Variants in EYS observed in about 807,000 individuals in gnomAD.
EYS encodes EGF-like photoreceptor maintenance factor.
Under a neutral mutation model 282.1 loss-of-function variants are expected in EYS, and 250 were observed. The observed-to-expected ratio is 0.89, with a 90% CI of 0.80 to 0.98. EYS has a LOEUF of 0.98. EYS is among the 50% of genes least tolerant of loss of function. The probability of loss-of-function intolerance (pLI) is 0.00; values close to 1 mark genes in which losing one functional copy is unlikely to be tolerated. For missense variants in EYS, 4,016 were observed against 3,709.0 expected, an observed-to-expected ratio of 1.08 and a Z score of -2.15; for synonymous variants, 1,355 against 1,282.9, an observed-to-expected ratio of 1.06 and a Z score of -1.20.
At chr6:65,021,820 GC>G (rs1218809916) in intron 13 of EYS, among the ~76,000 whole-genome samples, 1 of 152,204 alleles carries the variant, frequency 6.6e-6, no homozygotes, top group Non-Finnish European at 1.5e-5. Context: ...TACAGTCATG[GC>G]AAAAGGAGAA....
At chr6:64,460,646 T>C (rs1458771955) in intron 26 of EYS, among the ~76,000 whole-genome samples, 1 of 152,220 alleles carries the variant, frequency 6.6e-6, no homozygotes, top group Non-Finnish European at 1.5e-5. Flanking sequence ...TATTTCACAA[T>C]CTATCACTTT....
intron 2 of EYS, among the ~76,000 whole-genome samples, chr6:65,501,154 T>A: frequency 6.8e-6 from 1 of 147,416 alleles, no homozygotes; most frequent in African/African-American, 2.7e-5. Flanking sequence ...TGAAATCGGT[T>A]TTCTGTAAGT....
chr6:64,862,710 T>G (rs1445842005), intron 19 of EYS, among the ~76,000 whole-genome samples: 2 of 152,174 alleles, frequency 1.3e-5, no homozygotes, highest in Non-Finnish European at 2.9e-5. Context: ...CTATTTTTAC[T>G]GAATGCCAGG....
At position 64,551,080 on chromosome 6, in the gene EYS, T is replaced by G. The variant is rs552969253; in HGVS notation, c.5644+39143A>C. Among the ~76,000 whole-genome samples, 5 of 151,526 alleles carry G rather than the reference T, an allele frequency of 3.3e-5. No individual in the cohort carries two copies. The South Asian group carries it at 1.0e-3, about 32-fold the overall frequency. ...AGGCAATTACAAATATATTTTGAAT[T>G]TGGAAAATAACATATAATTTAAATG... On this transcript the variant is annotated intron_variant, in intron 26 of 42. Transcript: ENST00000503581.
chr6:64,617,450 C>A lies in EYS; in HGVS notation c.3652G>T (p.Gly1218Cys). 1 of 1,550,632 alleles carries A rather than the reference C, an allele frequency of 6.4e-7. No individual in the cohort carries two copies. Among genetic ancestry groups the A allele is most frequent in the Non-Finnish European group, 8.7e-7 (1 of 1,146,200 alleles). The change falls in exon 24 of 43, where the codon GGC (glycine) becomes TGC (cysteine). Residue 1218 changes from glycine to cysteine, a missense_variant. Gly to Cys is a radical substitution (Grantham distance 159). Transcript: ENST00000503581. ...CCAGGTGTGCATAAACATGTCGAGC[C>A]AGGTTCATTCTCCATGCAGAGTTCA... The part of the protein sequence containing the change: ...VHELCMENEP[G>C]STCLCTPGFM...
chr6:65,145,281 A>G (rs1242662804), intron 12 of EYS, among the ~76,000 whole-genome samples: 1 of 148,008 alleles, frequency 6.8e-6, no homozygotes, highest in Non-Finnish European at 1.5e-5. Flanking sequence ...TTCAACATAT[A>G]TTGTTACTAT....
chr6:65,319,311 C>A (rs1379235833), intron 11 of EYS, among the ~76,000 whole-genome samples: 3 of 149,984 alleles, frequency 2.0e-5, no homozygotes, highest in Non-Finnish European at 4.4e-5. Context: ...ACCCAGGAAG[C>A]GGAGGTTGTG....
intron 5 of EYS, among the ~76,000 whole-genome samples, chr6:65,427,989 T>C (rs1249054988): frequency 6.6e-6 from 1 of 152,064 alleles, no homozygotes; most frequent in East Asian, 1.9e-4. Context: ...TTATTAGTAA[T>C]AAAATGTAAA....
chr6:64,806,256 G>C (rs1764420347), intron 22 of EYS, among the ~76,000 whole-genome samples: 1 of 151,588 alleles, frequency 6.6e-6, no homozygotes, highest in South Asian at 2.1e-4. Context: ...TTAACTTAAA[G>C]CTAAGTTGAT....
chr6:65,524,354 C>T (rs724104), intron 2 of EYS, among the ~76,000 whole-genome samples: 11,678 of 152,084 alleles, frequency 0.077, 1,334 homozygotes, highest in African/African-American at 0.25. Context: ...TTGGAACTAA[C>T]GGATTTAGGC....
At chr6:64,548,828 T>TA (rs5876907) in intron 26 of EYS, among the ~76,000 whole-genome samples, 2,397 of 147,264 alleles carry the variant, frequency 0.016, 49 homozygotes, top group African/African-American at 0.045. Context: ...TAAAGTATAA[T>TA]AAAAAAAAAA....
intron 19 of EYS, among the ~76,000 whole-genome samples, chr6:64,848,389 A>C (rs1475553277): frequency 1.3e-5 from 2 of 152,132 alleles, no homozygotes; most frequent in East Asian, 3.8e-4. Context: ...ATAGGTAAAC[A>C]GCAATCATGC....
At chr6:65,320,827 C>T (rs2150305242) in intron 11 of EYS, among the ~76,000 whole-genome samples, 1 of 152,246 alleles carries the variant, frequency 6.6e-6, no homozygotes, top group African/African-American at 2.4e-5. Flanking sequence ...GCTAAGGCCA[C>T]CACCCCCATC....
At chr6:65,518,138 G>T (rs1034287886) in intron 2 of EYS, among the ~76,000 whole-genome samples, 1 of 151,946 alleles carries the variant, frequency 6.6e-6, no homozygotes, top group Non-Finnish European at 1.5e-5. Flanking sequence ...TATTCCCAAC[G>T]TCTTACAGCT....
intron 12 of EYS, among the ~76,000 whole-genome samples, chr6:65,074,566 C>T (rs1442815370): frequency 6.6e-6 from 1 of 152,066 alleles, no homozygotes; most frequent in African/African-American, 2.4e-5. Context: ...GGAACTTACA[C>T]TTCCCTTCTA....
intron 28 of EYS, among the ~76,000 whole-genome samples, chr6:64,420,266 C>T (rs1774189095): frequency 2.0e-5 from 3 of 151,660 alleles, no homozygotes; most frequent in Admixed American, 2.0e-4. Context: ...TGCAAGGCAC[C>T]AATTCCCTAG....
chr6:64,336,938 G>T (rs929414507), intron 29 of EYS, among the ~76,000 whole-genome samples: 1 of 151,930 alleles, frequency 6.6e-6, no homozygotes, highest in Non-Finnish European at 1.5e-5. Flanking sequence ...CGACAATGAC[G>T]ACACAACCTA....
chr6:65,613,639 T>A (rs572331798), intron 2 of EYS, among the ~76,000 whole-genome samples: 39 of 151,942 alleles, frequency 2.6e-4, no homozygotes, highest in African/African-American at 7.0e-4. Context: ...TTAGGGTAGT[T>A]TTTACAGGTA....
chr6:65,332,415 C>T, intron 11 of EYS: 1 of 1,375,392 alleles, frequency 7.3e-7, no homozygotes, highest in Non-Finnish European at 1.0e-6. Context: ...GTTGAGGATT[C>T]TTCTGTGAAT....
Sources: allele counts gnomAD v4.1 joint callset (sites outside exome capture counted in the v4.1 genomes callset), GRCh38; gene constraint gnomAD v4.1.1; transcripts MANE v1.5; gene names NCBI Gene and HGNC (gene_info 2026-07-23, HGNC 2026-07-21).